KCNQ1: variants seen among roughly 807,000 people sequenced by gnomAD.
KCNQ1 encodes potassium voltage-gated channel subfamily Q member 1.
KCNQ1 carries 49 observed loss-of-function variants against 72.4 expected under a neutral mutation model. That is an observed-to-expected ratio of 0.68 (90% CI 0.54 to 0.86). The LOEUF is 0.86. KCNQ1 is among the 40% of genes least tolerant of loss of function. KCNQ1 has a pLI of 0.00. For missense variants in KCNQ1, 790 were observed against 945.1 expected (o/e 0.84, Z 2.15); for synonymous variants, 450 against 412.6 (o/e 1.09, Z -1.10).
chr11:2,461,377 T>C, intron 1 of KCNQ1: 1 of 1,227,976 alleles, frequency 8.1e-7, no homozygotes, highest in Non-Finnish European at 1.0e-6. Context: ...GAAGGGAACC[T>C]TGAGTGTGGA....
At chr11:2,512,857 C>T (rs1438078430) in intron 1 of KCNQ1, among the ~76,000 whole-genome samples, 6 of 152,214 alleles carry the variant, frequency 3.9e-5, no homozygotes, top group African/African-American at 7.2e-5. Flanking sequence ...CTCCCCAGGG[C>T]GGTCTGTCCC....
rs2283209 is a variant in KCNQ1, at chr11:2,725,628, C to G, written c.1515-43216C>G. ...GCCCCCTTCCCGAACGTACCCTTTC[C>G]ATGAGGCTGGGCGCCCTGCCCTGCC... On this transcript the variant is annotated intron_variant, in intron 11 of 15. Coordinates refer to ENST00000155840, the MANE Select transcript of KCNQ1 (RefSeq NM_000218.3). The surrounding 1 kb of genome is among the most constrained non-coding windows in gnomAD (Gnocchi z 7.2). 6.6e-6 allele frequency among the ~76,000 whole-genome samples: 1 copy of G among 152,212 alleles called. No individual in the cohort carries two copies. Among genetic ancestry groups the G allele is most frequent in the African/African-American group, 2.4e-5 (1 of 41,460 alleles).
At position 2,653,159 on chromosome 11, in the gene KCNQ1, C is replaced by T. The variant is rs1849783685; in HGVS notation, c.1394-8802C>T. On this transcript the variant is annotated intron_variant, in intron 10 of 15. Coordinates refer to ENST00000155840, the MANE Select transcript of KCNQ1 (RefSeq NM_000218.3). This position sits in a 1 kb window ranked among gnomAD's most constrained non-coding sequence, Gnocchi z 5.3. ...ACAGCAGTAGAAAGCCAATGTCCCA[C>T]CTTAGGAAATCCCTTTCCAAGAGTT... The T allele has an allele frequency of 5.0e-6, 2 of 398,626 alleles. No individual in the cohort carries two copies. The highest frequency in any genetic ancestry group is 2.5e-4 in the South Asian group (2 of 7,870). 24.7% of individuals were successfully genotyped at this position (398,626 alleles called of 1,614,324 possible).
chr11:2,689,666 G>T, intron 11 of KCNQ1: 1 of 398,662 alleles, frequency 2.5e-6, no homozygotes, highest in Non-Finnish European at 4.4e-6. Context: ...CTCCTGAGAG[G>T]GCCAGGGCAG....
At chr11:2,717,902 G>A (rs549554368) in intron 11 of KCNQ1, among the ~76,000 whole-genome samples, 40 of 152,306 alleles carry the variant, frequency 2.6e-4, no homozygotes, top group African/African-American at 9.1e-4. Flanking sequence ...AGCCCCCCGG[G>A]GTATTAGCCC....
chr11:2,618,341 A>G, intron 10 of KCNQ1: 1 of 398,606 alleles, frequency 2.5e-6, no homozygotes, highest in Non-Finnish European at 4.4e-6. Context: ...TGTTTTAACA[A>G]AGTTTACAAA....
intron 11 of KCNQ1, among the ~76,000 whole-genome samples, chr11:2,749,969 A>T (rs1000729764): frequency 1.0e-3 from 158 of 152,238 alleles, no homozygotes; most frequent in Admixed American, 3.6e-3. Context: ...CCAAAAAAAA[A>T]AAAATAAAAA....
Position 2,445,281 on chromosome 11 carries a change from C to A in KCNQ1, c.183C>A (p.Pro61=). 7.6e-7 allele frequency: 1 copy of A among 1,309,340 alleles called. No homozygotes were observed. Among genetic ancestry groups the A allele is most frequent in the Non-Finnish European group, 9.7e-7 (1 of 1,035,182 alleles). The allele number at this position is 1,309,340 out of a possible 1,614,324, so 81.1% of individuals were successfully genotyped here. A position where few individuals can be genotyped will look rare whatever the true frequency, so the allele number is the denominator to read the frequency against. ...CCATCGCGCCCGGCGCCCCAGGTCC[C>A]GCGCCCCCTGCGTCCCCGGCCGCGC... ...YAPIAPGAPG[P]APPASPAAPA... Residue 61 remains proline (P), a synonymous_variant, in exon 1 of 16, where the codon CCC becomes CCA. Transcript: ENST00000155840.
At chr11:2,610,045 G>T (rs938186295) in intron 10 of KCNQ1, 1 of 397,660 alleles carries the variant, frequency 2.5e-6, no homozygotes, top group African/African-American at 2.1e-5. Flanking sequence ...TATATCCACA[G>T]TTTTACTTTT....
At chr11:2,722,327 C>T (rs1217799652) in intron 11 of KCNQ1, among the ~76,000 whole-genome samples, 1 of 152,176 alleles carries the variant, frequency 6.6e-6, no homozygotes, top group Non-Finnish European at 1.5e-5. Flanking sequence ...GCATGCCTCT[C>T]TGTGGCAGTG....
In KCNQ1 at chr11:2,847,764, C is replaced by T. The variant is rs1245995530; in HGVS notation, c.1795-3C>T. The T allele has an allele frequency of 1.3e-6, 2 of 1,572,980 alleles. No homozygotes were observed. The highest frequency in any genetic ancestry group is 1.7e-6 in the Non-Finnish European group (2 of 1,158,636). ...ACTCTCTCGTCTGCCTTTGTCCCCGCAGGTGACGCAGCTGGACCAGAGGCT... is the reference window on the plus strand; with the variant it reads ...ACTCTCTCGTCTGCCTTTGTCCCCGTAGGTGACGCAGCTGGACCAGAGGCT... On this transcript the variant is annotated splice_region_variant and splice_polypyrimidine_tract_variant and intron_variant, in intron 15 of 15. Coordinates refer to ENST00000155840, the MANE Select transcript of KCNQ1 (RefSeq NM_000218.3).
In KCNQ1 at chr11:2,654,503, C is replaced by A. The variant is rs200623938; in HGVS notation, c.1394-7458C>A. 15 of 398,574 alleles carry A rather than the reference C, an allele frequency of 3.8e-5. No individual in the cohort carries two copies. Among genetic ancestry groups the A allele is most frequent in the Non-Finnish European group, 4.4e-6 (1 of 226,206 alleles). The allele number at this position is 398,574 out of a possible 1,614,324, so 24.7% of individuals were successfully genotyped here. On this transcript the variant is annotated intron_variant, in intron 10 of 15. Transcript: ENST00000155840. The surrounding 1 kb of genome is among the most constrained non-coding windows in gnomAD (Gnocchi z 6.4). The stretch of plus-strand genomic sequence containing the variant: ...GCCGTACAGGGGAGGGGGCAATCTC[C>A]GGAGCCCTGGAAAGCTTGTGGAAGA...
rs1850881966 is a variant in KCNQ1, at chr11:2,704,926, C to T, written c.1514+42845C>T. On this transcript the variant is annotated intron_variant, in intron 11 of 15. Coordinates refer to ENST00000155840, the MANE Select transcript of KCNQ1 (RefSeq NM_000218.3). The surrounding 1 kb of genome is among the most constrained non-coding windows in gnomAD (Gnocchi z 4.3). The stretch of plus-strand genomic sequence containing the variant: ...ATAGTGGGGTCAGACCCTATCCCTC[C>T]ACCCAGCTGCAGTGACAACTCTGTG... 6.6e-6 allele frequency among the ~76,000 whole-genome samples: 1 copy of T among 152,154 alleles called. No individual in the cohort carries two copies. Among genetic ancestry groups the T allele is most frequent in the Admixed American group, 6.5e-5 (1 of 15,284 alleles).
In KCNQ1 at chr11:2,742,612, G is replaced by A. The variant is rs570598411; in HGVS notation, c.1515-26232G>A. Among the ~76,000 whole-genome samples the A allele has an allele frequency of 3.9e-5, 6 of 152,344 alleles. No individual in the cohort carries two copies. The East Asian group carries it at 5.8e-4, about 15-fold the overall frequency. ...AATGCCTGGCAGGGGAATGTTTACC[G>A]ATTTGGTTTTCTGGGGCTGAGGATG... On this transcript the variant is annotated intron_variant, in intron 11 of 15. Coordinates refer to ENST00000155840, the MANE Select transcript of KCNQ1 (RefSeq NM_000218.3).
intron 1 of KCNQ1, among the ~76,000 whole-genome samples, chr11:2,517,504 C>G (rs780377114): frequency 5.3e-5 from 8 of 152,156 alleles, no homozygotes; most frequent in Non-Finnish European, 8.8e-5. Context: ...CCTGTGGCGC[C>G]TCACCTCTCT....
In KCNQ1 at chr11:2,543,969, C is replaced by T. The variant is rs1847862921; in HGVS notation, c.477+15951C>T. 1.3e-5 allele frequency among the ~76,000 whole-genome samples: 2 copies of T among 152,176 alleles called. No homozygotes were observed. The highest frequency in any genetic ancestry group is 4.1e-4 in the South Asian group (2 of 4,836). ...CGTTGATCTGTCCTTTTGCCAGTCACACACTGGGATTGTTACAGCCCTATA... is the reference window on the plus strand; with the variant it reads ...CGTTGATCTGTCCTTTTGCCAGTCATACACTGGGATTGTTACAGCCCTATA... On this transcript the variant is annotated intron_variant, in intron 2 of 15. Transcript: ENST00000155840. The surrounding 1 kb of genome is among the most constrained non-coding windows in gnomAD (Gnocchi z 5.6).
At position 2,494,844 on chromosome 11, in the gene KCNQ1, C is replaced by G. The variant is rs1846884925; in HGVS notation, c.387-33084C>G. 6.6e-6 allele frequency among the ~76,000 whole-genome samples: 1 copy of G among 152,168 alleles called. No homozygotes were observed. The highest frequency in any genetic ancestry group is 6.5e-5 in the Admixed American group (1 of 15,278). On this transcript the variant is annotated intron_variant, in intron 1 of 15. Transcript: ENST00000155840. The surrounding 1 kb of genome is among the most constrained non-coding windows in gnomAD (Gnocchi z 4.6). ...GCCAAATTTTGGTATCAGGATGATG[C>G]TGGCCTCATAAAATGAGTTAGGGAG...
chr11:2,639,254 C>G (rs369883039), intron 10 of KCNQ1: 1 of 152,166 alleles, frequency 6.6e-6, no homozygotes, highest in African/African-American at 2.4e-5. Flanking sequence ...CCATTGCTGG[C>G]GAGTGGCTGC....
At chr11:2,505,080 C>T (rs1847081490) in intron 1 of KCNQ1, among the ~76,000 whole-genome samples, 1 of 150,820 alleles carries the variant, frequency 6.6e-6, no homozygotes, top group African/African-American at 2.4e-5. Flanking sequence ...AATTTAAGTC[C>T]CAGGACACAT....
Sources: allele counts gnomAD v4.1 joint callset (sites outside exome capture counted in the v4.1 genomes callset), GRCh38; gene constraint gnomAD v4.1.1; non-coding constraint Gnocchi (gnomAD v3.1); transcripts MANE v1.5; gene names NCBI Gene and HGNC (gene_info 2026-07-23, HGNC 2026-07-21).